MYOM1: variants seen among roughly 807,000 people sequenced by gnomAD.
MYOM1 encodes myomesin-1.
In MYOM1, 164 loss-of-function variants were observed where a neutral mutation model predicts 205.3. The observed-to-expected ratio is 0.80, with a 90% CI of 0.70 to 0.91. MYOM1 has a LOEUF of 0.91. MYOM1 is among the 40% of genes least tolerant of loss of function. MYOM1 has a pLI of 0.00. For synonymous variants in MYOM1, 772 were observed against 789.4 expected (o/e 0.98, Z 0.37); for missense variants, 2,011 against 2,127.3 (o/e 0.95, Z 1.08).
intron 9 of MYOM1, among the ~76,000 whole-genome samples, chr18:3,165,331 A>G (rs1311495794): frequency 2.0e-5 from 3 of 152,194 alleles, no homozygotes; most frequent in South Asian, 2.1e-4. Context: ...TAACCTGTGG[A>G]GGTGACACTA....
chr18:3,187,035 T>C (rs1220375862), intron 5 of MYOM1, among the ~76,000 whole-genome samples: 1 of 152,076 alleles, frequency 6.6e-6, no homozygotes, highest in Non-Finnish European at 1.5e-5. Context: ...TCAGCTCACA[T>C]GAGGGGTAGA....
chr18:3,156,923 T>G (rs2080309234), intron 10 of MYOM1, among the ~76,000 whole-genome samples: 1 of 152,196 alleles, frequency 6.6e-6, no homozygotes, highest in African/African-American at 2.4e-5. Context: ...ACTTCTTTCC[T>G]TCCAGGCTTT....
At chr18:3,208,342 C>T (rs1315552887) in intron 2 of MYOM1, among the ~76,000 whole-genome samples, 1 of 152,122 alleles carries the variant, frequency 6.6e-6, no homozygotes, top group Non-Finnish European at 1.5e-5. Context: ...GGTGAAACCC[C>T]GTCTCTACAA....
intron 26 of MYOM1, among the ~76,000 whole-genome samples, chr18:3,091,270 C>T (rs112919002): frequency 0.07 from 10,649 of 151,762 alleles, 388 homozygotes; most frequent in South Asian, 0.083. Context: ...GAGCCGAGAT[C>T]GCACCATTGC....
chr18:3,197,593 G>C (rs966497431), intron 2 of MYOM1, among the ~76,000 whole-genome samples: 2 of 152,154 alleles, frequency 1.3e-5, no homozygotes, highest in East Asian at 1.9e-4. Context: ...AAGTGTTAAG[G>C]CTGGGCGCGG....
rs774419539 is a variant in MYOM1, at chr18:3,090,640, G to A, written c.4009+18C>T. On this transcript the variant is annotated intron_variant, in intron 27 of 37. Coordinates refer to ENST00000356443, the MANE Select transcript of MYOM1 (RefSeq NM_003803.4). ...GGAGTAGCAAAGCCTGCTGGTTAAT[G>A]TTCCACGGAATTCTTACCATCTCCA... 2.5e-6 allele frequency: 4 copies of A among 1,613,692 alleles called. No homozygotes were observed. The highest frequency in any genetic ancestry group is 1.1e-5 in the South Asian group (1 of 91,040).
At chr18:3,119,006 C>A (rs1416457666) in intron 20 of MYOM1, among the ~76,000 whole-genome samples, 1 of 152,142 alleles carries the variant, frequency 6.6e-6, no homozygotes, top group African/African-American at 2.4e-5. Context: ...CCCCCGCATA[C>A]CTTACTATTG....
intron 8 of MYOM1, among the ~76,000 whole-genome samples, chr18:3,173,646 G>A (rs559792286): frequency 3.3e-5 from 5 of 150,216 alleles, no homozygotes; most frequent in African/African-American, 9.8e-5. Context: ...GCCCAGGTTT[G>A]CATAATGATC....
intron 11 of MYOM1, among the ~76,000 whole-genome samples, chr18:3,153,901 A>C (rs528523401): frequency 6.6e-6 from 1 of 152,322 alleles, no homozygotes; most frequent in Middle Eastern, 3.4e-3. Context: ...TATTTAGGCC[A>C]AATCTAAATT....
intron 34 of MYOM1, among the ~76,000 whole-genome samples, chr18:3,078,174 T>C (rs2079041866): frequency 6.6e-6 from 1 of 151,832 alleles, no homozygotes; most frequent in Admixed American, 6.6e-5. Flanking sequence ...CCCAAGTAGC[T>C]GGGATTACAG....
At chr18:3,191,445 A>G (rs1192934134) in intron 3 of MYOM1, among the ~76,000 whole-genome samples, 2 of 152,186 alleles carry the variant, frequency 1.3e-5, no homozygotes, top group Admixed American at 1.3e-4. Flanking sequence ...ATATATTAAT[A>G]TCTCTGCAGG....
At chr18:3,150,612 T>C (rs563843666) in intron 12 of MYOM1, among the ~76,000 whole-genome samples, 1 of 152,254 alleles carries the variant, frequency 6.6e-6, no homozygotes, top group Admixed American at 6.5e-5. Flanking sequence ...TGGCCTAAAG[T>C]GCCAGTAGGG....
chr18:3,127,297 ATATATATAT>A (rs1438006662), intron 18 of MYOM1, among the ~76,000 whole-genome samples: 1 of 49,728 alleles, frequency 2.0e-5, no homozygotes, highest in Non-Finnish European at 3.9e-5. Flanking sequence ...ATATATATAT[ATATATATAT>A]TTTTTTTTTT....
chr18:3,131,472 A>G lies in MYOM1; in HGVS notation c.2409T>C (p.Thr803=). 7 of 1,613,324 alleles carry G rather than the reference A, an allele frequency of 4.3e-6. No individual in the cohort carries two copies. Among genetic ancestry groups the G allele is most frequent in the Non-Finnish European group, 5.9e-6 (7 of 1,179,618 alleles). The change falls in exon 17 of 38, where the codon ACT becomes ACC. Residue 803 remains threonine, a synonymous_variant. Transcript: ENST00000356443. ...GSRFTCHGLV[T]GQSYIFRVRA... is the part of the protein sequence containing the mutation. ...TGACCCGGAAAATATAACTCTGACC[A>G]GTCACTAATCCATGACAAGTGAATC...
chr18:3,157,319 C>CTCATTCATTCTCTCAT (rs368220076), intron 10 of MYOM1, among the ~76,000 whole-genome samples: 1 of 152,054 alleles, frequency 6.6e-6, no homozygotes, highest in East Asian at 1.9e-4. Context: ...CATTCATTCT[C>CTCATTCATTCTCTCAT]TCATTCATTC....
At chr18:3,132,220 C>T (rs1241624118) in intron 16 of MYOM1, among the ~76,000 whole-genome samples, 1 of 151,262 alleles carries the variant, frequency 6.6e-6, no homozygotes, top group Non-Finnish European at 1.5e-5. Context: ...AGTGCAATCT[C>T]AGCTCACTGC....
chr18:3,244,725 C>T, the MYOM1 span, among the ~76,000 whole-genome samples: 9 of 147,644 alleles, frequency 6.1e-5, no homozygotes, highest in African/African-American at 2.2e-4. Context: ...ACCGTCTCTA[C>T]TAAAATACAA....
chr18:3,143,009 G>T (rs916587578), intron 13 of MYOM1, among the ~76,000 whole-genome samples: 2 of 152,104 alleles, frequency 1.3e-5, no homozygotes, highest in Admixed American at 6.6e-5. Context: ...CAAATCTGAT[G>T]AAAACTACGA....
Position 3,112,377 on chromosome 18 carries a change from G to T in MYOM1, c.3339C>A (p.Phe1113Leu). Residue 1113 changes from phenylalanine (F) to leucine (L), a missense_variant, in exon 22 of 38, where the codon TTC (phenylalanine) becomes TTA (leucine). Phe to Leu is a conservative substitution (Grantham distance 22). Coordinates refer to ENST00000356443, the MANE Select transcript of MYOM1 (RefSeq NM_003803.4). The stretch of plus-strand genomic sequence containing the variant: ...CCGCCTGGTTTATGGCTCGAACACG[G>T]AACACGTAGCTGACGCCCTCCTTGA... ...RGLKEGVSYV[F>L]RVRAINQAGV... 1 of 1,611,676 alleles carries T rather than the reference G, an allele frequency of 6.2e-7. No individual in the cohort carries two copies. The highest frequency in any genetic ancestry group is 1.7e-5 in the Admixed American group (1 of 59,866).
Sources: allele counts gnomAD v4.1 joint callset (sites outside exome capture counted in the v4.1 genomes callset), GRCh38; gene constraint gnomAD v4.1.1; transcripts MANE v1.5; gene names NCBI Gene and HGNC (gene_info 2026-07-23, HGNC 2026-07-21).